Variants in DDX3X observed in about 807,000 individuals in gnomAD.
DDX3X encodes DEAD-box helicase 3 X-linked, also known as ATP-dependent RNA helicase DDX3X.
DDX3X carries 4 observed loss-of-function variants against 52.7 expected under a neutral mutation model. That is an observed-to-expected ratio of 0.08 (90% CI 0.04 to 0.17). The LOEUF (loss-of-function observed/expected upper bound fraction) is 0.17, where lower values mean the gene tolerates loss of function less well. Ranked by LOEUF, DDX3X falls within the 10% of genes least tolerant of loss-of-function variation. The pLI is 1.00. For synonymous variants in DDX3X, 192 were observed against 178.1 expected, an observed-to-expected ratio of 1.08 and a Z score of -0.62; for missense variants, 222 against 548.6, an observed-to-expected ratio of 0.40 and a Z score of 5.95.
At chrX:41,334,561 G>T (rs1393294986) in intron 1 of DDX3X, 3 of 1,092,968 alleles carry the variant, frequency 2.7e-6, no homozygotes, top group Admixed American at 3.1e-5. Context: ...GGCGGAGGGG[G>T]AGGAAGTGCG....
At chrX:41,333,446 C>T (rs2063705669), upstream of DDX3X, 1 of 108,974 alleles carries the variant, frequency 9.2e-6, no homozygotes, top group Non-Finnish European at 1.9e-5. Flanking sequence ...CCTCCCCTTC[C>T]CTCTGTTCTC....
At chrX:41,341,185 A>G (rs1009285336) in intron 3 of DDX3X, 3 of 194,566 alleles carry the variant, frequency 1.5e-5, no homozygotes, top group South Asian at 1.3e-4. Flanking sequence ...GGGTTTCTCC[A>G]TGTTGGTCAG....
At chrX:41,335,064 T>C in intron 1 of DDX3X, 1 of 4,117 alleles carries the variant, frequency 2.4e-4, no homozygotes, top group South Asian at 0.013. Context: ...TGGGGAGGAG[T>C]GGGGGAGGGG....
downstream of DDX3X, chrX:41,351,287 T>A (rs2063983936): frequency 8.9e-6 from 1 of 112,080 alleles, no homozygotes; most frequent in Non-Finnish European, 1.9e-5. Flanking sequence ...TATGGTGACA[T>A]AAATTTAGTA....
intron 4 of DDX3X, 167 bp from the exon 5 acceptor site, chrX:41,342,328 A>T (rs780958542): frequency 1.2e-4 from 59 of 507,360 alleles, no homozygotes; most frequent in Non-Finnish European, 1.7e-4. Flanking sequence ...GAGGTTATGT[A>T]AATGATGCTG....
At chrX:41,334,064 A>C (rs1210057904), upstream of DDX3X, 2 of 439,060 alleles carry the variant, frequency 4.6e-6, no homozygotes, top group Non-Finnish European at 8.0e-6. Flanking sequence ...TCGCCGCGAC[A>C]GGGAATTGCG....
intron 2 of DDX3X, chrX:41,337,695 G>C (rs1195597184): frequency 1.6e-5 from 5 of 309,814 alleles, no homozygotes; most frequent in African/African-American, 1.4e-4. Flanking sequence ...GCCCAGGTTG[G>C]AGTGCAATGG....
At chrX:41,359,936 C>T (rs946311502) in intron 5 of DDX3X, among the ~76,000 whole-genome samples, 5 of 107,691 alleles carry the variant, frequency 4.6e-5, no homozygotes, top group Admixed American at 1.0e-4. Context: ...GAGCCGAGAT[C>T]GCGCCACTGC....
At chrX:41,353,297 C>CAAAAAAAAA (rs61067509), downstream of DDX3X, among the ~76,000 whole-genome samples, 70 of 45,635 alleles carry the variant, frequency 1.5e-3, no homozygotes, top group Non-Finnish European at 1.9e-3. Context: ...ACTAAAAATA[C>CAAAAAAAAA]AAAAAAAAAA....
Position 41,346,925 on chromosome X carries a change from T to C in DDX3X, c.1682T>C (p.Val561Ala). The change falls in exon 15 of 17, where the codon GTT becomes GCT. Residue 561 changes from valine to alanine, a missense_variant. By Grantham distance (64) the Val-to-Ala change is moderately conservative. This residue lies in a region of DDX3X where 18 missense variants were observed against 45.3 expected (regional missense o/e 0.40). Transcript: ENST00000644876. ...ACTAAGGATTTGTTGGATCTTCTTG[T>C]TGAAGCTAAACAAGAAGTGCCGTCT... ...NITKDLLDLLVEAKQEVPSWL... is the reference protein window; with the variant it reads ...NITKDLLDLLAEAKQEVPSWL... 8.3e-7 allele frequency: 1 copy of C among 1,209,872 alleles called. No homozygotes were observed. Among genetic ancestry groups the C allele is most frequent in the Non-Finnish European group, 1.1e-6 (1 of 893,947 alleles).
intron 1 of DDX3X, 136 bp downstream of exon 1, chrX:41,334,433 C>T: frequency 4.4e-6 from 5 of 1,129,167 alleles, no homozygotes; most frequent in Non-Finnish European, 5.9e-6. Flanking sequence ...TGTGAGTGCC[C>T]CGGGGCTATA....
At chrX:41,336,753 TAAAAA>T (rs2063776365) in intron 1 of DDX3X, 1 of 111,803 alleles carries the variant, frequency 8.9e-6, no homozygotes, top group Non-Finnish European at 1.9e-5. Context: ...AAAATAAAAA[TAAAAA>T]CAAACGAAAC....
intron 5 of DDX3X, among the ~76,000 whole-genome samples, chrX:41,361,157 C>A (rs932544616): frequency 8.3e-5 from 9 of 108,252 alleles, no homozygotes; most frequent in African/African-American, 3.0e-4. Context: ...ACTGTGTCTA[C>A]TTCTTGCCTT....
chrX:41,351,602 G>A (rs2063987234), downstream of DDX3X: 1 of 111,361 alleles, frequency 9.0e-6, no homozygotes, highest in Non-Finnish European at 1.9e-5. Flanking sequence ...AAAGTTATAA[G>A]ACTATCTTTG....
chrX:41,364,364 A>G, exon 6 of DDX3X: 1 of 297,553 alleles, frequency 3.4e-6, no homozygotes, highest in Non-Finnish European at 5.9e-6. Flanking sequence ...TGGAGACTTC[A>G]GTGAGCCTAC....
intron 4 of DDX3X, 139 bp downstream of exon 4, chrX:41,341,755 T>C (rs1205238504): frequency 4.0e-6 from 2 of 505,618 alleles, no homozygotes; most frequent in African/African-American, 2.4e-5. Context: ...TTTTACTAAA[T>C]TGAACCTGTT....
At chrX:41,358,979 G>A (rs1335198844) in intron 5 of DDX3X, among the ~76,000 whole-genome samples, 2 of 111,329 alleles carry the variant, frequency 1.8e-5, no homozygotes, top group South Asian at 3.7e-4. Flanking sequence ...GGATGGTCTC[G>A]AACTGACCTC....
intron 2 of DDX3X, 193 bp from the exon 3 acceptor site, chrX:41,338,843 A>G (rs2063807450): frequency 6.3e-6 from 1 of 158,292 alleles, no homozygotes; most frequent in African/African-American, 3.1e-5. Context: ...AACTCCTTTC[A>G]GAGTTCTCCT....
At chrX:41,339,936 CGG>C (rs1355048172) in intron 3 of DDX3X, 6 of 68,758 alleles carry the variant, frequency 8.7e-5, no homozygotes, top group African/African-American at 2.7e-4. Flanking sequence ...TTTTTTGAGA[CGG>C]AGCCTTGCTC....
Sources: allele counts gnomAD v4.1 joint callset (sites outside exome capture counted in the v4.1 genomes callset), GRCh38; gene constraint gnomAD v4.1.1; regional missense constraint gnomAD v4.1.1; transcripts MANE v1.5; gene names NCBI Gene and HGNC (gene_info 2026-07-23, HGNC 2026-07-21).